The following SNTB2 variants were observed in gnomAD, a reference collection of about 807,000 sequenced individuals.
SNTB2 encodes beta-2-syntrophin.
In SNTB2, 34 loss-of-function variants were observed where a neutral mutation model predicts 46.2. That is an observed-to-expected ratio of 0.74 (90% CI 0.56 to 0.98). The LOEUF is 0.98. Among genes scored for constraint, SNTB2 ranks in the 50% least tolerant of loss-of-function variants. SNTB2 has a pLI of 0.00. For synonymous variants in SNTB2, 290 were observed against 312.6 expected (o/e 0.93, Z 0.76); for missense variants, 603 against 731.4 (o/e 0.82, Z 2.02).
At chr16:69,285,945 A>G (rs1456257871) in intron 5 of SNTB2, among the ~76,000 whole-genome samples, 3 of 152,142 alleles carry the variant, frequency 2.0e-5, no homozygotes, top group African/African-American at 7.2e-5. Flanking sequence ...GGCACCTGCC[A>G]TCATACCCAG....
At chr16:69,278,148 C>G (rs1597197240) in intron 4 of SNTB2, among the ~76,000 whole-genome samples, 1 of 151,918 alleles carries the variant, frequency 6.6e-6, no homozygotes, top group East Asian at 1.9e-4. Flanking sequence ...GAGACCACAT[C>G]TCTACACAAA....
In SNTB2 at chr16:69,307,102, T is replaced by C. The variant is rs913124066; in HGVS notation, c.*6178T>C. Reference sequence around the variant, plus strand: ...TTCATCTAATAAACATTTATTAATGTATAGTTCTACACCAGGCATTCTGAA... The same window carrying C: ...TTCATCTAATAAACATTTATTAATGCATAGTTCTACACCAGGCATTCTGAA... On this transcript the variant is annotated 3_prime_UTR_variant, in exon 7 of 7. Transcript: ENST00000336278. 1 of 152,176 alleles carries C rather than the reference T, an allele frequency of 6.6e-6. No homozygotes were observed. The highest frequency in any genetic ancestry group is 2.4e-5 in the African/African-American group (1 of 41,430). The allele number at this position is 152,176 out of a possible 1,614,324, so 9.4% of individuals were successfully genotyped here.
In SNTB2 at chr16:69,245,831, C is replaced by A. The variant is rs187347338; in HGVS notation, c.794+16C>A. 168 of 1,609,690 alleles carry A rather than the reference C, an allele frequency of 1.0e-4. No individual in the cohort carries two copies. Among genetic ancestry groups the A allele is most frequent in the Non-Finnish European group, 1.4e-4 (159 of 1,176,182 alleles). ...TGGAAAACAGGTGAGGTGTACCTAA[C>A]AAGAACATCATACCTACAGCTTTAC... is the stretch of plus-strand genomic sequence containing the variant. On this transcript the variant is annotated intron_variant, in intron 2 of 6. Coordinates refer to ENST00000336278, the MANE Select transcript of SNTB2 (RefSeq NM_006750.4).
At position 69,187,371 on chromosome 16, in the gene SNTB2, G is replaced by T. The variant is rs1418776847; in HGVS notation, c.205G>T (p.Ala69Ser). The T allele has an allele frequency of 7.4e-7, 1 of 1,356,606 alleles. No individual in the cohort carries two copies. The highest frequency in any genetic ancestry group is 1.7e-5 in the South Asian group (1 of 57,178). 84.0% of individuals were successfully genotyped at this position (1,356,606 alleles called of 1,614,324 possible). Residue 69 changes from alanine (A) to serine (S), a missense_variant, in exon 1 of 7, where the codon GCC becomes TCC. Around this residue, in one of 2 missense-constraint regions of SNTB2, gnomAD observed 537 missense variants for 692.4 expected, o/e 0.78. Transcript: ENST00000336278. ...LEPALGPAAAAFNGLPNGGGA... is the reference protein window; with the variant it reads ...LEPALGPAAASFNGLPNGGGA... ...GCCCGCTCTGGGACCCGCGGCCGCC[G>T]CCTTCAACGGCCTCCCAAACGGCGG...
intron 1 of SNTB2, among the ~76,000 whole-genome samples, chr16:69,213,203 T>C (rs1424571661): frequency 6.6e-6 from 1 of 152,222 alleles, no homozygotes; most frequent in Non-Finnish European, 1.5e-5. Context: ...TCATTAATTA[T>C]ACACATTAAA....
At position 69,308,413 on chromosome 16, in the gene SNTB2, C is replaced by T. The variant is rs1332112829; in HGVS notation, c.*7489C>T. The T allele has an allele frequency of 6.6e-6, 1 of 152,400 alleles. No individual in the cohort carries two copies. Among genetic ancestry groups the T allele is most frequent in the Admixed American group, 6.5e-5 (1 of 15,276 alleles). 9.4% of individuals were successfully genotyped at this position (152,400 alleles called of 1,614,324 possible). The stretch of plus-strand genomic sequence containing the variant: ...ATTCTCACTTTGTCGCAAATCTGCC[C>T]TTATCGTAAGAACAAGTTTCAGAAT... On this transcript the variant is annotated 3_prime_UTR_variant, in exon 7 of 7. Transcript: ENST00000336278.
intron 1 of SNTB2, among the ~76,000 whole-genome samples, chr16:69,193,318 CTTTTTTTT>C (rs57663863): frequency 4.3e-5 from 3 of 70,192 alleles, no homozygotes; most frequent in Non-Finnish European, 8.2e-5. Flanking sequence ...ATGGTATAGA[CTTTTTTTT>C]TTTTTTTTTT....
intron 4 of SNTB2, among the ~76,000 whole-genome samples, chr16:69,281,830 C>CT (rs1317673667): frequency 6.7e-5 from 10 of 149,368 alleles, no homozygotes; most frequent in African/African-American, 2.5e-4. Context: ...GCGAGAAGAG[C>CT]AAGACTCCAT....
At chr16:69,235,752 A>T in intron 1 of SNTB2, 1 of 1,289,346 alleles carries the variant, frequency 7.8e-7, no homozygotes. Flanking sequence ...TTTCAGGCCT[A>T]TAATGAGGAA....
rs1191578717 is a variant in SNTB2, at chr16:69,303,653, A to T, written c.*2729A>T. On this transcript the variant is annotated 3_prime_UTR_variant, in exon 7 of 7. Coordinates refer to ENST00000336278, the MANE Select transcript of SNTB2 (RefSeq NM_006750.4). ...AGAACCCTTTTGCTGCTTTTCTTAC[A>T]TACCTAACAGCTCTCCAGTCATGAT... 1 of 152,596 alleles carries T rather than the reference A, an allele frequency of 6.6e-6. No individual in the cohort carries two copies. Among genetic ancestry groups the T allele is most frequent in the Non-Finnish European group, 1.5e-5 (1 of 68,046 alleles). 9.5% of individuals were successfully genotyped at this position (152,596 alleles called of 1,614,324 possible).
chr16:69,203,123 A>G (rs1013202981), intron 1 of SNTB2, among the ~76,000 whole-genome samples: 1 of 151,032 alleles, frequency 6.6e-6, no homozygotes, highest in Admixed American at 6.6e-5. Flanking sequence ...GATTCAAGCA[A>G]TTCTCCTGCC....
In SNTB2 at chr16:69,245,704, G is replaced by T; in HGVS notation, c.683G>T (p.Ser228Ile). ...AAPQSPSFSGSEDSGSPKHQN... is the reference protein window; with the variant it reads ...AAPQSPSFSGIEDSGSPKHQN... ...CCCCAGTCACCAAGCTTTAGTGGCAGTGAGGACTCTGGTTCGCCAAAACAC... is the reference window on the plus strand; with the variant it reads ...CCCCAGTCACCAAGCTTTAGTGGCATTGAGGACTCTGGTTCGCCAAAACAC... The change falls in exon 2 of 7, where the codon AGT becomes ATT. Residue 228 changes from serine (S) to isoleucine (I), a missense_variant. Around this residue, in one of 2 missense-constraint regions of SNTB2, gnomAD observed 537 missense variants for 692.4 expected, o/e 0.78. Transcript: ENST00000336278. The T allele has an allele frequency of 6.2e-7, 1 of 1,614,158 alleles. No homozygotes were observed. The highest frequency in any genetic ancestry group is 1.1e-5 in the South Asian group (1 of 91,082).
chr16:69,296,426 T>A (rs1354082505), intron 5 of SNTB2, among the ~76,000 whole-genome samples: 5 of 150,578 alleles, frequency 3.3e-5, no homozygotes, highest in Non-Finnish European at 7.4e-5. Flanking sequence ...AACAGAACAT[T>A]TAAGAAATCT....
chr16:69,281,242 T>C (rs1216300729), intron 4 of SNTB2, among the ~76,000 whole-genome samples: 1 of 151,866 alleles, frequency 6.6e-6, no homozygotes, highest in Non-Finnish European at 1.5e-5. Context: ...GATTTTTTTT[T>C]TTTTTTGAGA....
intron 1 of SNTB2, among the ~76,000 whole-genome samples, chr16:69,210,596 T>A (rs1964273810): frequency 6.6e-6 from 1 of 151,898 alleles, no homozygotes; most frequent in South Asian, 2.1e-4. Flanking sequence ...TGCAGTAGTG[T>A]GATCAGCTTG....
intron 2 of SNTB2, among the ~76,000 whole-genome samples, chr16:69,257,260 A>G (rs940776151): frequency 4.6e-5 from 7 of 151,052 alleles, no homozygotes; most frequent in African/African-American, 1.5e-4. Context: ...ATGTCTTAAT[A>G]TGTTTAGGTA....
At chr16:69,232,961 G>A (rs1482770530) in intron 1 of SNTB2, among the ~76,000 whole-genome samples, 2 of 152,050 alleles carry the variant, frequency 1.3e-5, no homozygotes, top group Non-Finnish European at 2.9e-5. Context: ...AGTAATTTGA[G>A]ATCTTCAAAA....
chr16:69,246,671 G>GCT (rs1279998386), intron 2 of SNTB2, among the ~76,000 whole-genome samples: 1 of 140,334 alleles, frequency 7.1e-6, no homozygotes, highest in Non-Finnish European at 1.5e-5. Flanking sequence ...GTAGAATTCG[G>GCT]CTGTGAATCC....
At chr16:69,259,218 C>A (rs1003568426) in intron 2 of SNTB2, among the ~76,000 whole-genome samples, 14 of 149,620 alleles carry the variant, frequency 9.4e-5, no homozygotes, top group Non-Finnish European at 1.9e-4. Context: ...CAGTAACTAG[C>A]CCAAGTTGGT....
Sources: allele counts gnomAD v4.1 joint callset (sites outside exome capture counted in the v4.1 genomes callset), GRCh38; gene constraint gnomAD v4.1.1; regional missense constraint gnomAD v4.1.1; transcripts MANE v1.5; gene names NCBI Gene and HGNC (gene_info 2026-07-23, HGNC 2026-07-21).